Variants in TRPM3 observed in about 807,000 individuals in gnomAD.
TRPM3 encodes the protein long transient receptor potential channel 3.
In TRPM3, 77 loss-of-function variants were observed where a neutral mutation model predicts 181.2. That is an observed-to-expected ratio of 0.42 (90% CI 0.35 to 0.51). The LOEUF (loss-of-function observed/expected upper bound fraction) is 0.51. Ranked by LOEUF, TRPM3 falls within the 20% of genes least tolerant of loss-of-function variation. The probability of loss-of-function intolerance (pLI) is 0.01; values close to 1 mark genes in which losing one functional copy is unlikely to be tolerated. For synonymous variants in TRPM3, 745 were observed against 796.4 expected, an observed-to-expected ratio of 0.94 and a Z score of 1.09; for missense variants, 1,759 against 2,196.7, an observed-to-expected ratio of 0.80 and a Z score of 3.98.
At chr9:71,150,012 A>G (rs970176634) in intron 1 of TRPM3, among the ~76,000 whole-genome samples, 4 of 152,122 alleles carry the variant, frequency 2.6e-5, no homozygotes, top group Non-Finnish European at 5.9e-5. Flanking sequence ...AAAACAAAAT[A>G]CTGAATAAGT....
chr9:71,112,310 A>C (rs1212323663), intron 1 of TRPM3, among the ~76,000 whole-genome samples: 1 of 152,206 alleles, frequency 6.6e-6, no homozygotes, highest in Non-Finnish European at 1.5e-5. Flanking sequence ...GATAATTTTT[A>C]TCTCTCACTT....
chr9:70,828,878 C>T (rs1205351955), intron 5 of TRPM3, among the ~76,000 whole-genome samples: 1 of 152,110 alleles, frequency 6.6e-6, no homozygotes, highest in Non-Finnish European at 1.5e-5. Flanking sequence ...CTACCACACA[C>T]ACAATCAGAA....
chr9:71,299,721 CTT>C (rs2132319486), intron 1 of TRPM3, among the ~76,000 whole-genome samples: 1 of 152,202 alleles, frequency 6.6e-6, no homozygotes, highest in Admixed American at 6.6e-5. Flanking sequence ...GGCAAACAAA[CTT>C]TGTATCTTAT....
chr9:70,690,224 G>A (rs975531496), intron 8 of TRPM3, among the ~76,000 whole-genome samples: 2 of 152,138 alleles, frequency 1.3e-5, no homozygotes, highest in Admixed American at 6.5e-5. Flanking sequence ...TGATATCTGA[G>A]TTTGACAAAT....
chr9:70,569,574 G>A (rs949732174), intron 22 of TRPM3, among the ~76,000 whole-genome samples: 4 of 152,168 alleles, frequency 2.6e-5, no homozygotes, highest in Non-Finnish European at 5.9e-5. Context: ...ATGAGTTTAG[G>A]AATAGCAGGC....
intron 3 of TRPM3, among the ~76,000 whole-genome samples, chr9:70,857,388 G>C (rs2095414540): frequency 1.3e-5 from 2 of 152,140 alleles, no homozygotes; most frequent in Admixed American, 1.3e-4. Flanking sequence ...ACACTACAAA[G>C]TACTCGAAAA....
intron 12 of TRPM3, 104 bp downstream of exon 12, chr9:70,635,107 T>C: frequency 1.1e-6 from 1 of 924,236 alleles, no homozygotes. Context: ...TGGCGCCTGA[T>C]AGGGACAGGA....
At chr9:71,265,357 G>A (rs2083316232) in intron 1 of TRPM3, among the ~76,000 whole-genome samples, 1 of 152,114 alleles carries the variant, frequency 6.6e-6, no homozygotes, top group South Asian at 2.1e-4. Flanking sequence ...TAAATTTATT[G>A]CTCATAGTAT....
intron 1 of TRPM3, among the ~76,000 whole-genome samples, chr9:70,923,491 T>C (rs1200218751): frequency 6.6e-6 from 1 of 151,836 alleles, no homozygotes; most frequent in African/African-American, 2.4e-5. Flanking sequence ...TGTAGAAAAA[T>C]ACAAAAATAG....
intron 1 of TRPM3, among the ~76,000 whole-genome samples, chr9:71,148,509 G>A (rs2075558041): frequency 6.6e-6 from 1 of 152,038 alleles, no homozygotes; most frequent in African/African-American, 2.4e-5. Context: ...CTCCTGTCTT[G>A]TCTTCTGCCT....
intron 1 of TRPM3, among the ~76,000 whole-genome samples, chr9:71,272,622 G>A (rs761439618): frequency 3.5e-4 from 54 of 152,114 alleles, no homozygotes; most frequent in Non-Finnish European, 5.7e-4. Flanking sequence ...TCACATACCT[G>A]TACATAGTTT....
intron 1 of TRPM3, among the ~76,000 whole-genome samples, chr9:71,131,551 A>G (rs2074375558): frequency 6.6e-6 from 1 of 152,344 alleles, no homozygotes; most frequent in Non-Finnish European, 1.5e-5. Flanking sequence ...CAAATGAAGA[A>G]TGAGTGAACT....
intron 22 of TRPM3, among the ~76,000 whole-genome samples, 198 bp downstream of exon 22, chr9:70,590,833 A>G (rs2057993768): frequency 6.6e-6 from 1 of 152,158 alleles, no homozygotes; most frequent in Admixed American, 6.5e-5. Flanking sequence ...GACATACCTA[A>G]AGAAATACCC....
intron 1 of TRPM3, among the ~76,000 whole-genome samples, chr9:71,069,547 A>G (rs1052374779): frequency 5.9e-5 from 9 of 152,060 alleles, no homozygotes; most frequent in African/African-American, 2.2e-4. Context: ...TGGGGGTGGC[A>G]TGACGGGGAT....
At chr9:71,067,329 A>G (rs1234952721) in intron 1 of TRPM3, among the ~76,000 whole-genome samples, 2 of 152,246 alleles carry the variant, frequency 1.3e-5, no homozygotes. Context: ...ATCCAGAGAT[A>G]ACTGCTGTTG....
chr9:71,024,744 G>C (rs924716571), intron 1 of TRPM3, among the ~76,000 whole-genome samples: 4 of 152,180 alleles, frequency 2.6e-5, no homozygotes, highest in African/African-American at 9.7e-5. Flanking sequence ...TTAGCCAACT[G>C]TATTATCTGC....
intron 22 of TRPM3, among the ~76,000 whole-genome samples, chr9:70,568,379 T>C (rs1192496155): frequency 6.6e-6 from 1 of 152,216 alleles, no homozygotes; most frequent in East Asian, 1.9e-4. Flanking sequence ...TCATATACAA[T>C]ATCTGATTGT....
chr9:71,017,414 A>G (rs2097793436), intron 1 of TRPM3, among the ~76,000 whole-genome samples: 1 of 151,990 alleles, frequency 6.6e-6, no homozygotes, highest in African/African-American at 2.4e-5. Context: ...GTAAAAACAA[A>G]TAAGAAAACA....
intron 1 of TRPM3, among the ~76,000 whole-genome samples, chr9:70,995,375 T>G (rs567634722): frequency 6.6e-6 from 1 of 152,234 alleles, no homozygotes; most frequent in South Asian, 2.1e-4. Flanking sequence ...GATTACTTAC[T>G]GCTTTTAACT....
Sources: gnomAD v4.1 joint callset for allele counts (sites outside exome capture counted in the v4.1 genomes callset) on GRCh38, gnomAD v4.1.1 for gene constraint, MANE v1.5 for transcripts, NCBI Gene and HGNC (gene_info 2026-07-23, HGNC 2026-07-21) for gene names.